Variants in SASS6 observed in about 807,000 individuals in gnomAD.
SASS6 encodes SAS-6 centriolar assembly protein.
Under a neutral mutation model 94.9 loss-of-function variants are expected in SASS6, and 59 were observed. The observed-to-expected ratio is 0.62, with a 90% confidence interval of 0.50 to 0.77. The LOEUF is 0.77. SASS6 is among the 30% of genes least tolerant of loss of function. The pLI is 0.00. For missense variants in SASS6, 698 were observed against 734.1 expected (o/e 0.95, Z 0.57); for synonymous variants, 264 against 270.0 (o/e 0.98, Z 0.22).
intron 15 of SASS6, among the ~76,000 whole-genome samples, chr1:100,086,413 C>T (rs1372320993): frequency 6.6e-6 from 1 of 151,896 alleles, no homozygotes; most frequent in East Asian, 1.9e-4. Flanking sequence ...AATCACTGAA[C>T]AGTCCTAATT....
intron 13 of SASS6, 80 bp downstream of exon 13, chr1:100,105,687 T>C (rs1399815229): frequency 5.1e-5 from 72 of 1,407,662 alleles, no homozygotes; most frequent in Non-Finnish European, 6.6e-5. Context: ...CCTTAAATCA[T>C]GGAAACTTCC....
chr1:100,115,322 TA>T (rs750278405), intron 7 of SASS6, among the ~76,000 whole-genome samples: 7 of 152,192 alleles, frequency 4.6e-5, no homozygotes, highest in Non-Finnish European at 8.8e-5. Context: ...TAAAAATCTG[TA>T]AAGTCCCTAG....
intron 14 of SASS6, among the ~76,000 whole-genome samples, chr1:100,098,231 A>G (rs979922584): frequency 3.3e-5 from 5 of 152,076 alleles, no homozygotes; most frequent in Admixed American, 2.0e-4. Flanking sequence ...CACTTATAAA[A>G]CCATTTTATA....
Position 100,107,986 on chromosome 1 carries a change from G to C in SASS6, c.880C>G (p.Gln294Glu), listed in dbSNP as rs1481119406. 37 of 1,607,866 alleles carry C rather than the reference G, an allele frequency of 2.3e-5. No homozygotes were observed. The highest frequency in any genetic ancestry group is 3.1e-5 in the Non-Finnish European group (37 of 1,175,906). The change falls in exon 9 of 17, where the codon CAA (glutamine) becomes GAA (glutamate). Residue 294 changes from glutamine to glutamate, a missense_variant. Physicochemically the swap from Gln to Glu is conservative, Grantham distance 29. Coordinates refer to ENST00000287482, the MANE Select transcript of SASS6 (RefSeq NM_194292.3). ...GVEEELQRTK[Q>E]EVLSLRRENS... ...TCTCTTCGCAAAGAGAGGACTTCTT[G>C]CTTAGTCCGCTGTAGCTCCTAGAAT...
rs1230681110 is a variant in SASS6, at chr1:100,120,910, C to T, written c.484-451G>A. ...CTAAAAATACAAAAAATTAGCCGGG[C>T]GTAGTGGCGGGCGCCTGTAGTCCCA... On this transcript the variant is annotated intron_variant, in intron 5 of 16. Transcript: ENST00000287482. Among the ~76,000 whole-genome samples, 5 of 151,498 alleles carry T rather than the reference C, an allele frequency of 3.3e-5. No homozygotes were observed. The East Asian group carries it at 5.8e-4, about 18-fold the overall frequency.
At position 100,085,329 on chromosome 1, in the gene SASS6, TA is replaced by T. The variant is rs1215999844; in HGVS notation, c.1972del (p.Ter658AsnfsTer13). 6.3e-7 allele frequency: 1 copy of T among 1,591,106 alleles called. No individual in the cohort carries two copies. The highest frequency in any genetic ancestry group is 1.7e-5 in the Admixed American group (1 of 59,950). On this transcript the variant is annotated frameshift_variant and stop_lost, in exon 17 of 17. Transcript: ENST00000287482. LOFTEE classifies it high-confidence loss of function. ...AYFPGQLPNS* is the reference protein window; with the variant it reads ...AYFPGQLPNSX ...AAAAAGTAAAACATGACACTAGAAT[TA>T]ACTGTTTGGTAACTGCCCAGGGAAA... is the stretch of plus-strand genomic sequence containing the variant.
chr1:100,101,167 G>A (rs968524030), intron 14 of SASS6, among the ~76,000 whole-genome samples: 2 of 152,088 alleles, frequency 1.3e-5, no homozygotes, highest in African/African-American at 4.8e-5. Flanking sequence ...TCAGTGGCTT[G>A]ATCAACTTCA....
At chr1:100,121,226 T>G (rs1654171912) in intron 5 of SASS6, 152 bp downstream of exon 5, 1 of 525,958 alleles carries the variant, frequency 1.9e-6, no homozygotes. Context: ...CGACTATACC[T>G]TGACTAAATA....
At chr1:100,115,389 G>A (rs1301324620) in intron 7 of SASS6, among the ~76,000 whole-genome samples, 4 of 139,210 alleles carry the variant, frequency 2.9e-5, no homozygotes, top group African/African-American at 1.0e-4. Context: ...GAAAAAGGGA[G>A]AGAGAGAGAG....
Position 100,123,250 on chromosome 1 carries a change from A to T in SASS6, c.166T>A (p.Phe56Ile). 6.4e-7 allele frequency: 1 copy of T among 1,562,888 alleles called. No homozygotes were observed. Among genetic ancestry groups the T allele is most frequent in the Non-Finnish European group, 8.8e-7 (1 of 1,141,972 alleles). The change falls in exon 3 of 17, where the codon TTT becomes ATT. Residue 56 changes from phenylalanine to isoleucine, a missense_variant. Coordinates refer to ENST00000287482, the MANE Select transcript of SASS6 (RefSeq NM_194292.3). ...IRLTDDTDPF[F>I]LYNLVISEED... Reference sequence around the variant, plus strand: ...TCAGATATAACAAGGTTATATAAAAAAAATGGATCCGTGTCATCAGTCAGA... The same window carrying T: ...TCAGATATAACAAGGTTATATAAAATAAATGGATCCGTGTCATCAGTCAGA...
chr1:100,103,160 C>T, intron 13 of SASS6, 77 bp from the exon 14 acceptor site: 2 of 896,514 alleles, frequency 2.2e-6, no homozygotes, highest in South Asian at 3.4e-5. Context: ...GTGGCATTAG[C>T]ATCTGTTATA....
chr1:100,101,028 T>C (rs1204147850), intron 14 of SASS6, among the ~76,000 whole-genome samples: 1 of 152,134 alleles, frequency 6.6e-6, no homozygotes, highest in African/African-American at 2.4e-5. Context: ...GCACTTATCA[T>C]GAACCAGGTA....
At chr1:100,093,935 T>C (rs1452416202) in intron 14 of SASS6, among the ~76,000 whole-genome samples, 1 of 151,704 alleles carries the variant, frequency 6.6e-6, no homozygotes, top group Non-Finnish European at 1.5e-5. Context: ...CTTAAGAAAG[T>C]AAGAAAAGGA....
chr1:100,096,130 G>T (rs1231141892), intron 14 of SASS6, among the ~76,000 whole-genome samples: 1 of 152,202 alleles, frequency 6.6e-6, no homozygotes, highest in African/African-American at 2.4e-5. Flanking sequence ...TTATACTACT[G>T]ACTTTCAAAA....
At chr1:100,097,023 G>A (rs904555150) in intron 14 of SASS6, among the ~76,000 whole-genome samples, 2 of 152,196 alleles carry the variant, frequency 1.3e-5, no homozygotes, top group Admixed American at 6.5e-5. Flanking sequence ...GCTGAGGCAT[G>A]AGAATTGCTT....
intron 14 of SASS6, among the ~76,000 whole-genome samples, chr1:100,097,693 G>A (rs11166402): frequency 0.044 from 6,733 of 152,120 alleles, 177 homozygotes; most frequent in African/African-American, 0.06. Flanking sequence ...CCTGGGCATG[G>A]TGGCACACAC....
chr1:100,127,367 A>G (rs998538417), intron 1 of SASS6, among the ~76,000 whole-genome samples: 5 of 152,228 alleles, frequency 3.3e-5, no homozygotes, highest in Admixed American at 1.3e-4. Context: ...GAGTACTGAT[A>G]GGAAAACTTG....
intron 7 of SASS6, among the ~76,000 whole-genome samples, chr1:100,111,652 A>G (rs1175749563): frequency 6.6e-6 from 1 of 152,124 alleles, no homozygotes; most frequent in Non-Finnish European, 1.5e-5. Flanking sequence ...TCTTAGCACT[A>G]GTACAGGGGA....
At chr1:100,097,514 C>CA (rs1428276752) in intron 14 of SASS6, among the ~76,000 whole-genome samples, 2 of 152,062 alleles carry the variant, frequency 1.3e-5, no homozygotes, top group African/African-American at 2.4e-5. Context: ...ACCTCAAACA[C>CA]AGTATACTGA....
Sources: gnomAD v4.1 joint callset for allele counts (sites outside exome capture counted in the v4.1 genomes callset) on GRCh38, gnomAD v4.1.1 for gene constraint, MANE v1.5 for transcripts, NCBI Gene and HGNC (gene_info 2026-07-23, HGNC 2026-07-21) for gene names.